CCDC178: variants seen among roughly 807,000 people sequenced by gnomAD.
CCDC178 encodes coiled-coil domain-containing protein 178.
A neutral mutation model predicts 117.4 loss-of-function variants in CCDC178; 126 were observed. The ratio of observed to expected loss-of-function variants is 1.07; its 90% confidence interval spans 0.93 to 1.24. The LOEUF is 1.24. CCDC178 is among the 50% of genes most tolerant of loss of function. The pLI is 0.00. For synonymous variants in CCDC178, 283 were observed against 313.4 expected (o/e 0.90, Z 1.02); for missense variants, 1,030 against 986.9 (o/e 1.04, Z -0.59).
intron 16 of CCDC178, among the ~76,000 whole-genome samples, chr18:33,226,186 A>G (rs1285499533): frequency 6.6e-6 from 1 of 152,136 alleles, no homozygotes; most frequent in Admixed American, 6.6e-5. Context: ...AAACCCACCA[A>G]CAAACAAAAA....
chr18:33,326,552 T>A (rs1023073978), intron 10 of CCDC178, among the ~76,000 whole-genome samples: 1 of 152,212 alleles, frequency 6.6e-6, no homozygotes, highest in African/African-American at 2.4e-5. Context: ...TTAGCATATC[T>A]AGAGACATGT....
intron 21 of CCDC178, among the ~76,000 whole-genome samples, chr18:32,979,315 C>A (rs538397876): frequency 6.6e-6 from 1 of 151,944 alleles, no homozygotes; most frequent in Non-Finnish European, 1.5e-5. Flanking sequence ...CCTGCCCCCA[C>A]GCTGGGCTAA....
intron 20 of CCDC178, among the ~76,000 whole-genome samples, chr18:33,099,679 C>T (rs758244896): frequency 2.9e-4 from 43 of 148,518 alleles, no homozygotes; most frequent in Non-Finnish European, 3.5e-4. Flanking sequence ...TATTGCATTG[C>T]TGCTCCCTTA....
chr18:33,035,952 AC>A (rs1159073157), intron 21 of CCDC178, among the ~76,000 whole-genome samples: 3 of 152,028 alleles, frequency 2.0e-5, no homozygotes, highest in Non-Finnish European at 4.4e-5. Flanking sequence ...TCACTGAAGT[AC>A]ATTTTATAGT....
chr18:33,410,387 A>T (rs2063833966), intron 3 of CCDC178, among the ~76,000 whole-genome samples: 1 of 152,212 alleles, frequency 6.6e-6, no homozygotes, highest in Admixed American at 6.5e-5. Context: ...CAATTTCCAG[A>T]AATAAAAACA....
chr18:33,223,661 G>T lies in CCDC178; in HGVS notation c.1819-442C>A, dbSNP rs186740492. On this transcript the variant is annotated intron_variant, in intron 17 of 22. Coordinates refer to ENST00000383096, the MANE Select transcript of CCDC178 (RefSeq NM_001105528.4). The stretch of plus-strand genomic sequence containing the variant: ...AAAAATGATTACTGAACTACAAGAA[G>T]ATGTAAAACCATGGCTGTTATAAAA... Among the ~76,000 whole-genome samples, 194 of 152,084 alleles carry T rather than the reference G, an allele frequency of 1.3e-3. 1 individual carries two copies. Among genetic ancestry groups the T allele is most frequent in the African/African-American group, 4.1e-3 (169 of 41,518 alleles).
chr18:33,253,495 T>C (rs1450389622), intron 14 of CCDC178, among the ~76,000 whole-genome samples: 1 of 151,660 alleles, frequency 6.6e-6, no homozygotes, highest in Non-Finnish European at 1.5e-5. Context: ...TGTTTGGACT[T>C]AAGGAAAAAG....
At chr18:33,020,704 G>T (rs1184897147) in intron 21 of CCDC178, among the ~76,000 whole-genome samples, 1 of 152,104 alleles carries the variant, frequency 6.6e-6, no homozygotes, top group African/African-American at 2.4e-5. Context: ...TAGCACTTTT[G>T]CAGTAAAGTT....
At chr18:33,358,489 T>G (rs1244004821) in intron 6 of CCDC178, among the ~76,000 whole-genome samples, 1 of 151,916 alleles carries the variant, frequency 6.6e-6, no homozygotes. Flanking sequence ...GGTAAAATCA[T>G]ACATGAAACT....
chr18:33,415,264 C>A (rs919192263), intron 2 of CCDC178, among the ~76,000 whole-genome samples: 1 of 152,044 alleles, frequency 6.6e-6, no homozygotes, highest in South Asian at 2.1e-4. Flanking sequence ...ATGTTTATTG[C>A]GGCACTATTC....
In CCDC178 at chr18:33,273,415, C is replaced by A. The variant is rs528007878; in HGVS notation, c.1177-6118G>T. Among the ~76,000 whole-genome samples the A allele has an allele frequency of 1.6e-3, 245 of 151,612 alleles. 1 individual carries two copies. Among genetic ancestry groups the A allele is most frequent in the African/African-American group, 5.6e-3 (232 of 41,464 alleles). On this transcript the variant is annotated intron_variant, in intron 12 of 22. Coordinates refer to ENST00000383096, the MANE Select transcript of CCDC178 (RefSeq NM_001105528.4). Reference sequence around the variant, plus strand: ...GGCCTAAATGAAAATATATCTGTAACCATGGATTTAAACACTTAATATTAT... The same window carrying A: ...GGCCTAAATGAAAATATATCTGTAAACATGGATTTAAACACTTAATATTAT...
Position 33,346,225 on chromosome 18 carries a change from A to T in CCDC178, c.644T>A (p.Leu215Ter). 1 of 1,612,104 alleles carries T rather than the reference A, an allele frequency of 6.2e-7. No homozygotes were observed. The highest frequency in any genetic ancestry group is 8.5e-7 in the Non-Finnish European group (1 of 1,178,372). Reference protein sequence around the residue: ...WSVWKLQELPLAVQKEHEAYL... With the variant: ...WSVWKLQELP Reference sequence around the variant, plus strand: ...CCTATTATTACCTTTCTGCACAGCCAATGGGAGTTCTTGAAGTTTCCAGAC... The same window carrying T: ...CCTATTATTACCTTTCTGCACAGCCTATGGGAGTTCTTGAAGTTTCCAGAC... Residue 215 changes from leucine to a stop codon, truncating the protein, a stop_gained, in exon 9 of 23, where the codon TTG (leucine) becomes TAG (stop). Coordinates refer to ENST00000383096, the MANE Select transcript of CCDC178 (RefSeq NM_001105528.4). LOFTEE classifies it high-confidence loss of function.
At chr18:33,228,810 A>G (rs976753282) in intron 15 of CCDC178, among the ~76,000 whole-genome samples, 4 of 152,326 alleles carry the variant, frequency 2.6e-5, no homozygotes, top group Admixed American at 2.6e-4. Flanking sequence ...CAGATGCTCA[A>G]GGCCTTCCTA....
At chr18:33,406,642 ATCTT>A in intron 3 of CCDC178, among the ~76,000 whole-genome samples, 1 of 152,148 alleles carries the variant, frequency 6.6e-6, no homozygotes, top group Admixed American at 6.6e-5. Flanking sequence ...CATAAGGATG[ATCTT>A]ATAGATATTA....
intron 6 of CCDC178, among the ~76,000 whole-genome samples, chr18:33,365,506 T>C (rs1419629434): frequency 6.6e-6 from 1 of 152,100 alleles, no homozygotes; most frequent in Non-Finnish European, 1.5e-5. Context: ...CTGGAAATAA[T>C]GGCAGTTTCT....
At chr18:33,000,579 C>A (rs1196593649) in intron 21 of CCDC178, among the ~76,000 whole-genome samples, 2 of 152,118 alleles carry the variant, frequency 1.3e-5, no homozygotes, top group African/African-American at 4.8e-5. Flanking sequence ...ATCTTAAAAG[C>A]AGCAAGAGAA....
At chr18:32,953,024 G>A (rs148609319) in intron 22 of CCDC178, among the ~76,000 whole-genome samples, 192 of 151,818 alleles carry the variant, frequency 1.3e-3, no homozygotes, top group African/African-American at 4.3e-3. Context: ...TGCCTGCCTC[G>A]GCCTCCCAAA....
chr18:32,948,886 T>G (rs1012099738), intron 22 of CCDC178, among the ~76,000 whole-genome samples: 1 of 152,084 alleles, frequency 6.6e-6, no homozygotes, highest in African/African-American at 2.4e-5. Flanking sequence ...CTAGTGTCAT[T>G]TTGTCCTTCT....
At chr18:33,133,097 T>C (rs1316729147) in intron 20 of CCDC178, among the ~76,000 whole-genome samples, 3 of 151,858 alleles carry the variant, frequency 2.0e-5, no homozygotes, top group Non-Finnish European at 1.5e-5. Context: ...GGGAGTTACA[T>C]GAATAAATCT....
Sources: allele counts gnomAD v4.1 joint callset (sites outside exome capture counted in the v4.1 genomes callset), GRCh38; gene constraint gnomAD v4.1.1; transcripts MANE v1.5; gene names NCBI Gene and HGNC (gene_info 2026-07-23, HGNC 2026-07-21).